The following GRIA4 variants were observed in gnomAD, a reference collection of about 807,000 sequenced individuals.
GRIA4 encodes the protein glutamate receptor 4.
A neutral mutation model predicts 104.0 loss-of-function variants in GRIA4; 34 were observed. The ratio of observed to expected loss-of-function variants is 0.33; its 90% confidence interval spans 0.25 to 0.44. GRIA4 has a LOEUF of 0.44. Among genes scored for constraint, GRIA4 ranks in the 20% least tolerant of loss-of-function variants. The probability of loss-of-function intolerance (pLI) is 1.00; values close to 1 mark genes in which losing one functional copy is unlikely to be tolerated. For synonymous variants in GRIA4, 386 were observed against 381.9 expected (o/e 1.01, Z -0.13); for missense variants, 750 against 1,096.5 (o/e 0.68, Z 4.46).
chr11:105,959,999 G>T (rs1948694660), intron 14 of GRIA4, among the ~76,000 whole-genome samples: 1 of 152,196 alleles, frequency 6.6e-6, no homozygotes, highest in Non-Finnish European at 1.5e-5. Flanking sequence ...CTTCTTCTAG[G>T]ACCTCTCACC....
At chr11:105,612,160 G>A in intron 2 of GRIA4, 116 bp from the exon 3 acceptor site, 1 of 881,126 alleles carries the variant, frequency 1.1e-6, no homozygotes, top group Non-Finnish European at 1.8e-6. Flanking sequence ...GATGTGGCAG[G>A]TATAGCTCTT....
intron 14 of GRIA4, among the ~76,000 whole-genome samples, chr11:105,954,286 T>C (rs1446982070): frequency 1.3e-5 from 2 of 152,234 alleles, no homozygotes; most frequent in Non-Finnish European, 2.9e-5. Context: ...GAATAACCCC[T>C]AATTTATATC....
At chr11:105,839,130 T>C (rs1940964) in intron 4 of GRIA4, among the ~76,000 whole-genome samples, 115,677 of 151,874 alleles carry the variant, frequency 0.76, 44,842 homozygotes, top group East Asian at 0.84. Flanking sequence ...TGTCTGACAT[T>C]ATGAAGACAT....
chr11:105,648,360 T>A (rs1951588889), intron 3 of GRIA4, among the ~76,000 whole-genome samples: 1 of 151,436 alleles, frequency 6.6e-6, no homozygotes, highest in African/African-American at 2.4e-5. Flanking sequence ...AGAATAAGAT[T>A]ATAGTAATTG....
intron 4 of GRIA4, among the ~76,000 whole-genome samples, chr11:105,816,497 C>T (rs1034135594): frequency 2.0e-5 from 3 of 152,154 alleles, no homozygotes; most frequent in African/African-American, 7.2e-5. Context: ...ACTCCTGTTT[C>T]ACCTTCTGCT....
chr11:105,905,232 T>C lies in GRIA4; in HGVS notation c.1089T>C (p.Phe363=), dbSNP rs2136148539. The C allele has an allele frequency of 6.2e-7, 1 of 1,610,806 alleles. No individual in the cohort carries two copies. The highest frequency in any genetic ancestry group is 2.2e-5 in the East Asian group (1 of 44,852). Reference sequence around the variant, plus strand: ...AAGGGCTGACAGGGAATGTTCAGTTTGACCACTATGGACGTAGAGTCAATT... The same window carrying C: ...AAGGGCTGACAGGGAATGTTCAGTTCGACCACTATGGACGTAGAGTCAATT... ...RIQGLTGNVQ[F]DHYGRRVNYT... Residue 363 remains phenylalanine (F), a synonymous_variant, in exon 9 of 17, where the codon TTT becomes TTC. Coordinates refer to ENST00000282499, the MANE Select transcript of GRIA4 (RefSeq NM_000829.4).
In GRIA4 at chr11:105,664,668, G is replaced by C. The variant is rs548490865; in HGVS notation, c.247+52234G>C. On this transcript the variant is annotated intron_variant, in intron 3 of 16. Coordinates refer to ENST00000282499, the MANE Select transcript of GRIA4 (RefSeq NM_000829.4). ...TTACAAATCTTATTTTTTTAAACTA[G>C]TGTGATCTAATTATTCTCCTGTGAA... 2.0e-5 allele frequency among the ~76,000 whole-genome samples: 3 copies of C among 151,924 alleles called. No individual in the cohort carries two copies. The South Asian group carries it at 6.2e-4, about 31-fold the overall frequency.
chr11:105,960,068 C>G (rs1379933241), intron 14 of GRIA4, among the ~76,000 whole-genome samples: 3 of 152,198 alleles, frequency 2.0e-5, no homozygotes, highest in African/African-American at 7.2e-5. Flanking sequence ...GTCTGACAAC[C>G]CCTGTTGGAG....
At chr11:105,947,279 T>C (rs900741470) in intron 14 of GRIA4, among the ~76,000 whole-genome samples, 1 of 152,310 alleles carries the variant, frequency 6.6e-6, no homozygotes, top group East Asian at 1.9e-4. Context: ...AAGTACAGGA[T>C]ATATTTGAAT....
At chr11:105,687,155 ATGG>A (rs1952907726) in intron 3 of GRIA4, among the ~76,000 whole-genome samples, 1 of 152,200 alleles carries the variant, frequency 6.6e-6, no homozygotes, top group Non-Finnish European at 1.5e-5. Context: ...GATTTCTAGA[ATGG>A]TGTTTCCTAG....
intron 3 of GRIA4, among the ~76,000 whole-genome samples, chr11:105,630,260 A>ATATTAACATTAATTTAAAT (rs1211834990): frequency 6.6e-6 from 1 of 152,206 alleles, no homozygotes; most frequent in Non-Finnish European, 1.5e-5. Flanking sequence ...CTGGCTTATA[A>ATATTAACATTAATTTAAAT]TAGCATTAAA....
intron 5 of GRIA4, among the ~76,000 whole-genome samples, chr11:105,885,544 T>C (rs1387000714): frequency 6.6e-6 from 1 of 152,162 alleles, no homozygotes. Flanking sequence ...CCAGATTGGG[T>C]AGGCTGATTG....
At chr11:105,877,323 C>G (rs553231830) in intron 5 of GRIA4, among the ~76,000 whole-genome samples, 25 of 152,322 alleles carry the variant, frequency 1.6e-4, no homozygotes, top group Non-Finnish European at 3.2e-4. Flanking sequence ...CAACCTTTCT[C>G]TCTGGCTGCC....
chr11:105,872,514 T>C (rs1302767175), intron 5 of GRIA4, among the ~76,000 whole-genome samples: 1 of 152,088 alleles, frequency 6.6e-6, no homozygotes, highest in African/African-American at 2.4e-5. Flanking sequence ...ATTCCACAGT[T>C]GAACAATTTC....
chr11:105,819,881 G>T (rs1419802539), intron 4 of GRIA4, among the ~76,000 whole-genome samples: 10 of 152,024 alleles, frequency 6.6e-5, no homozygotes, highest in African/African-American at 4.8e-5. Context: ...TAGTTAAGAT[G>T]AAGCCATCCT....
intron 14 of GRIA4, among the ~76,000 whole-genome samples, chr11:105,953,176 T>C (rs562787595): frequency 3.9e-5 from 6 of 152,252 alleles, no homozygotes; most frequent in Admixed American, 2.6e-4. Context: ...AAGGGTAGAA[T>C]TGCGAATGCA....
At chr11:105,922,083 T>C (rs1265764086) in intron 11 of GRIA4, among the ~76,000 whole-genome samples, 1 of 152,010 alleles carries the variant, frequency 6.6e-6, no homozygotes, top group African/African-American at 2.4e-5. Context: ...TTGCAACATA[T>C]ATGGGAAATA....
chr11:105,920,470 T>C (rs952980292), intron 11 of GRIA4, among the ~76,000 whole-genome samples: 2 of 152,152 alleles, frequency 1.3e-5, no homozygotes, highest in African/African-American at 4.8e-5. Flanking sequence ...TACCAGTTAG[T>C]TATGAACAGC....
intron 6 of GRIA4, among the ~76,000 whole-genome samples, chr11:105,892,115 AT>A (rs1466282226): frequency 6.6e-6 from 1 of 152,294 alleles, no homozygotes; most frequent in Admixed American, 6.5e-5. Flanking sequence ...ACACAAAAAA[AT>A]AAATAACTTA....
Sources: allele counts gnomAD v4.1 joint callset (sites outside exome capture counted in the v4.1 genomes callset), GRCh38; gene constraint gnomAD v4.1.1; transcripts MANE v1.5; gene names NCBI Gene and HGNC (gene_info 2026-07-23, HGNC 2026-07-21).